MACROD2: variants seen among roughly 807,000 people sequenced by gnomAD.
MACROD2 encodes the protein ADP-ribose glycohydrolase MACROD2.
Under a neutral mutation model 70.4 loss-of-function variants are expected in MACROD2, and 36 were observed. The ratio of observed to expected loss-of-function variants is 0.51; its 90% confidence interval spans 0.39 to 0.68. The LOEUF (loss-of-function observed/expected upper bound fraction) is 0.68. Among genes scored for constraint, MACROD2 ranks in the 30% least tolerant of loss-of-function variants. MACROD2 has a pLI of 0.00. For synonymous variants in MACROD2, 172 were observed against 178.8 expected (o/e 0.96, Z 0.30); for missense variants, 496 against 538.4 (o/e 0.92, Z 0.78).
At chr20:16,048,640 A>G (rs1054717046) in intron 17 of MACROD2, among the ~76,000 whole-genome samples, 5 of 152,194 alleles carry the variant, frequency 3.3e-5, no homozygotes, top group Non-Finnish European at 7.3e-5. Flanking sequence ...CGATCCCACT[A>G]GTATTGAATT....
chr20:14,803,455 ATAG>A (rs1450835235), intron 5 of MACROD2, among the ~76,000 whole-genome samples: 1 of 152,042 alleles, frequency 6.6e-6, no homozygotes, highest in Non-Finnish European at 1.5e-5. Context: ...CTCAGAATGC[ATAG>A]AAATATTTTA....
chr20:14,831,569 G>T (rs989213109), intron 5 of MACROD2, among the ~76,000 whole-genome samples: 2 of 151,246 alleles, frequency 1.3e-5, no homozygotes, highest in African/African-American at 2.4e-5. Flanking sequence ...ACCTGAGGTC[G>T]GGAGTTTGAG....
At chr20:15,222,621 T>C (rs2076871684) in intron 5 of MACROD2, among the ~76,000 whole-genome samples, 1 of 152,234 alleles carries the variant, frequency 6.6e-6, no homozygotes, top group South Asian at 2.1e-4. Context: ...ACAGCATTAT[T>C]ATGCAGTCTG....
chr20:14,831,005 G>A (rs1482231973), intron 5 of MACROD2, among the ~76,000 whole-genome samples: 1 of 151,992 alleles, frequency 6.6e-6, no homozygotes. Flanking sequence ...CTCAATGTTG[G>A]TTACTGTTTC....
At chr20:15,805,533 A>G (rs1286245101) in intron 8 of MACROD2, among the ~76,000 whole-genome samples, 2 of 151,580 alleles carry the variant, frequency 1.3e-5, no homozygotes, top group Non-Finnish European at 1.5e-5. Context: ...CTGGAGTGCA[A>G]TGGCACGATC....
Position 15,172,477 on chromosome 20 carries a change from C to T in MACROD2, c.419-57463C>T, listed in dbSNP as rs1436026920. On this transcript the variant is annotated intron_variant, in intron 5 of 17. Coordinates refer to ENST00000684519, the MANE Select transcript of MACROD2 (RefSeq NM_001351661.2). ...TCATAGCTCATTGCAGCCTTGAACT[C>T]CTGGGCTCGAGCTATCCTCCTGCCT... 3.3e-5 allele frequency among the ~76,000 whole-genome samples: 5 copies of T among 152,338 alleles called. No individual in the cohort carries two copies. In the East Asian group the frequency reaches 9.6e-4, roughly 29 times the overall value.
At chr20:14,168,359 G>A (rs548806206) in intron 3 of MACROD2, among the ~76,000 whole-genome samples, 15 of 152,204 alleles carry the variant, frequency 9.9e-5, no homozygotes, top group African/African-American at 3.1e-4. Flanking sequence ...AGAAAATAAT[G>A]GATGTCTTTT....
intron 3 of MACROD2, among the ~76,000 whole-genome samples, chr20:14,391,190 C>G (rs2083522700): frequency 6.6e-6 from 1 of 152,110 alleles, no homozygotes; most frequent in East Asian, 1.9e-4. Context: ...CATTACAGCA[C>G]TAGTCACGAT....
chr20:15,846,288 C>T (rs1055377792), intron 8 of MACROD2, among the ~76,000 whole-genome samples: 7 of 152,204 alleles, frequency 4.6e-5, no homozygotes, highest in African/African-American at 1.7e-4. Context: ...TCATGGTAAA[C>T]ATTGTGAAAT....
chr20:15,439,903 A>AT (rs1034082798), intron 7 of MACROD2, among the ~76,000 whole-genome samples: 1 of 152,108 alleles, frequency 6.6e-6, no homozygotes, highest in African/African-American at 2.4e-5. Context: ...AAATCCCTAG[A>AT]TTCCTGTTAA....
chr20:15,567,139 T>G (rs1167291103), intron 8 of MACROD2, among the ~76,000 whole-genome samples: 1 of 152,000 alleles, frequency 6.6e-6, no homozygotes, highest in African/African-American at 2.4e-5. Flanking sequence ...ACACTGGCTC[T>G]AGTTAAAATA....
At chr20:14,691,543 G>A (rs899959631) in intron 5 of MACROD2, among the ~76,000 whole-genome samples, 4 of 152,204 alleles carry the variant, frequency 2.6e-5, no homozygotes, top group Non-Finnish European at 5.9e-5. Context: ...AACCACCAGA[G>A]TATTAGGAAG....
At chr20:15,059,021 C>A (rs1378630886) in intron 5 of MACROD2, among the ~76,000 whole-genome samples, 1 of 152,154 alleles carries the variant, frequency 6.6e-6, no homozygotes, top group Admixed American at 6.5e-5. Flanking sequence ...AAAATTATTT[C>A]AAGAATTTCC....
rs113830450 is a variant in MACROD2, at chr20:15,777,675, C to T, written c.646-85070C>T. Among the ~76,000 whole-genome samples, 173 of 148,628 alleles carry T rather than the reference C, an allele frequency of 1.2e-3. 2 individuals are homozygous for T. The highest frequency in any genetic ancestry group is 3.8e-3 in the African/African-American group (154 of 40,270). ...CTCTCTTTCTTTCGAGACAGAGTCT[C>T]ACTCTGTTGCCCAGACTGGAGTGCA... On this transcript the variant is annotated intron_variant, in intron 8 of 17. Coordinates refer to ENST00000684519, the MANE Select transcript of MACROD2 (RefSeq NM_001351661.2).
intron 6 of MACROD2, among the ~76,000 whole-genome samples, chr20:15,279,128 A>G (rs1277343375): frequency 6.6e-6 from 1 of 152,240 alleles, no homozygotes; most frequent in Non-Finnish European, 1.5e-5. Context: ...GGTACGAGTT[A>G]TGAGCGACTT....
intron 6 of MACROD2, among the ~76,000 whole-genome samples, chr20:15,301,308 G>T (rs1340989339): frequency 6.6e-6 from 1 of 152,212 alleles, no homozygotes; most frequent in African/African-American, 2.4e-5. Flanking sequence ...TGCCCAGGAG[G>T]ACTGGTCAGA....
intron 3 of MACROD2, among the ~76,000 whole-genome samples, chr20:14,334,159 T>C (rs1379410690): frequency 6.6e-5 from 10 of 152,248 alleles, no homozygotes; most frequent in Non-Finnish European, 1.5e-4. Context: ...CTACTTAAAA[T>C]CTGTTTTCTC....
At chr20:14,062,232 C>T (rs1049961933) in intron 2 of MACROD2, among the ~76,000 whole-genome samples, 1 of 152,014 alleles carries the variant, frequency 6.6e-6, no homozygotes, top group Non-Finnish European at 1.5e-5. Flanking sequence ...TGACATGTTC[C>T]CTTCAGTCTT....
chr20:15,551,868 C>A (rs1386095024), intron 8 of MACROD2, among the ~76,000 whole-genome samples: 1,518 of 121,584 alleles, frequency 0.012, no homozygotes, highest in Middle Eastern at 0.018. Flanking sequence ...GACCCTGCCT[C>A]AAAAAAAAAA....
Sources: allele counts gnomAD v4.1 joint callset (sites outside exome capture counted in the v4.1 genomes callset), GRCh38; gene constraint gnomAD v4.1.1; transcripts MANE v1.5; gene names NCBI Gene and HGNC (gene_info 2026-07-23, HGNC 2026-07-21).